The following TLL2 variants were observed in gnomAD, a reference collection of about 807,000 sequenced individuals.
TLL2 encodes tolloid like 2, also known as tolloid-like protein 2.
Under a neutral mutation model 123.0 loss-of-function variants are expected in TLL2, and 106 were observed. The ratio of observed to expected loss-of-function variants is 0.86; its 90% CI spans 0.74 to 1.01. TLL2 has a LOEUF of 1.01. Ranked by LOEUF, TLL2 falls within the 50% of genes least tolerant of loss-of-function variation. The pLI is 0.00. For synonymous variants in TLL2, 494 were observed against 516.8 expected (o/e 0.96, Z 0.60); for missense variants, 1,332 against 1,336.7 (o/e 1.00, Z 0.06).
intron 1 of TLL2, among the ~76,000 whole-genome samples, chr10:96,485,159 A>G (rs956491884): frequency 2.0e-5 from 3 of 152,256 alleles, no homozygotes; most frequent in Non-Finnish European, 4.4e-5. Context: ...ACCTAAATGT[A>G]GGAGCTAAAA....
chr10:96,395,804 A>G, intron 12 of TLL2, 71 bp downstream of exon 12: 2 of 1,575,550 alleles, frequency 1.3e-6, no homozygotes, highest in South Asian at 2.4e-5. Context: ...ATGAAAACCC[A>G]TCTTTACAGA....
intron 2 of TLL2, 62 bp downstream of exon 2, chr10:96,480,287 C>A: frequency 7.2e-7 from 1 of 1,381,942 alleles, no homozygotes; most frequent in South Asian, 1.2e-5. Context: ...GACCACATCT[C>A]CCCCTGCTGA....
At chr10:96,396,616 G>C (rs1463960310) in intron 11 of TLL2, among the ~76,000 whole-genome samples, 2 of 147,342 alleles carry the variant, frequency 1.4e-5, no homozygotes, top group East Asian at 3.9e-4. Flanking sequence ...AGGGTACGGT[G>C]GGGTGGGGAA....
In TLL2 at chr10:96,376,792, A is replaced by T. The variant is rs1050480980; in HGVS notation, c.2348T>A (p.Val783Glu). 3 of 1,582,820 alleles carry T rather than the reference A, an allele frequency of 1.9e-6. No individual in the cohort carries two copies. Among genetic ancestry groups the T allele is most frequent in the Non-Finnish European group, 2.6e-6 (3 of 1,166,702 alleles). ...GTTGGGGCTCGCCAGGGTCCCCTCC[A>T]CACTGCTGATCTTGTGTGCACAGCC... ...EAGCAHKISS[V>E]EGTLASPNWP... The change falls in exon 18 of 21, where the codon GTG becomes GAG. Residue 783 changes from valine to glutamate, a missense_variant. By Grantham distance (121) the Val-to-Glu change is moderately radical. Coordinates refer to ENST00000357947, the MANE Select transcript of TLL2 (RefSeq NM_012465.4).
In TLL2 at chr10:96,462,880, C is replaced by CA. The variant is rs1174065478; in HGVS notation, c.287-16713dup. On this transcript the variant is annotated intron_variant, in intron 2 of 20. Coordinates refer to ENST00000357947, the MANE Select transcript of TLL2 (RefSeq NM_012465.4). ...ATAGCAAAATCACCAACAAAAAGCA[C>CA]AAAAATGCTTAAAATATGGCACTAA... 7.9e-5 allele frequency among the ~76,000 whole-genome samples: 12 copies of CA among 152,246 alleles called. No individual in the cohort carries two copies. In the East Asian group the frequency reaches 2.3e-3, roughly 29 times the overall value.
chr10:96,472,958 T>G (rs1311957545), intron 2 of TLL2, among the ~76,000 whole-genome samples: 1 of 152,044 alleles, frequency 6.6e-6, no homozygotes, highest in Non-Finnish European at 1.5e-5. Context: ...CTGATAGCCT[T>G]TGGTTCCCCT....
intron 4 of TLL2, among the ~76,000 whole-genome samples, chr10:96,429,737 G>A (rs1846718707): frequency 6.6e-6 from 1 of 152,162 alleles, no homozygotes; most frequent in South Asian, 2.1e-4. Context: ...ATGTACATCT[G>A]TGTACTTTTG....
At chr10:96,375,652 A>G (rs1465109274) in intron 18 of TLL2, among the ~76,000 whole-genome samples, 1 of 152,136 alleles carries the variant, frequency 6.6e-6, no homozygotes, top group Non-Finnish European at 1.5e-5. Flanking sequence ...GCCCGCTGGG[A>G]GCACCCTGTG....
chr10:96,410,500 A>G, intron 8 of TLL2, 26 bp from the exon 9 acceptor site: 1 of 1,583,864 alleles, frequency 6.3e-7, no homozygotes, highest in Non-Finnish European at 8.7e-7. Flanking sequence ...CACAACTGTG[A>G]TGTGGCATAT....
At chr10:96,405,170 T>G in intron 10 of TLL2, 62 bp downstream of exon 10, 1 of 1,507,966 alleles carries the variant, frequency 6.6e-7, no homozygotes, top group Non-Finnish European at 9.2e-7. Context: ...CTTCCAGACA[T>G]TAACAGCATC....
intron 7 of TLL2, among the ~76,000 whole-genome samples, chr10:96,420,563 A>C (rs11818195): frequency 0.012 from 1,764 of 152,314 alleles, 35 homozygotes; most frequent in African/African-American, 0.04. Context: ...GCCTTGACAC[A>C]GCCTAGTTTC....
chr10:96,440,748 GA>G (rs1846843609), intron 3 of TLL2, among the ~76,000 whole-genome samples: 1 of 152,220 alleles, frequency 6.6e-6, no homozygotes, highest in African/African-American at 2.4e-5. Context: ...GTAATTTCCA[GA>G]AATGGGTTAT....
chr10:96,453,265 G>A (rs1846979577), intron 2 of TLL2, among the ~76,000 whole-genome samples: 1 of 152,104 alleles, frequency 6.6e-6, no homozygotes, highest in Non-Finnish European at 1.5e-5. Flanking sequence ...AGACCAACCT[G>A]CTCAACATGG....
chr10:96,380,706 AAAAAAAAAAAAAAAAAAG>A (rs2134055168), intron 16 of TLL2, among the ~76,000 whole-genome samples: 1 of 144,496 alleles, frequency 6.9e-6, no homozygotes, highest in Admixed American at 6.9e-5. Context: ...AAAAAAAAAA[AAAAAAAAAAAAAAAAAAG>A]AATGCAGAAG....
intron 1 of TLL2, among the ~76,000 whole-genome samples, chr10:96,481,627 T>C (rs922251926): frequency 6.6e-6 from 1 of 152,172 alleles, no homozygotes; most frequent in Non-Finnish European, 1.5e-5. Context: ...TTAGTCAAAG[T>C]GTTGCCTGCC....
At chr10:96,467,111 T>C (rs1320107215) in intron 2 of TLL2, among the ~76,000 whole-genome samples, 1 of 152,206 alleles carries the variant, frequency 6.6e-6, no homozygotes, top group Non-Finnish European at 1.5e-5. Flanking sequence ...TAGACCCATC[T>C]AAAAAGAGGT....
chr10:96,497,754 G>T (rs1237782959), intron 1 of TLL2, among the ~76,000 whole-genome samples: 2 of 152,166 alleles, frequency 1.3e-5, no homozygotes, highest in East Asian at 1.9e-4. Flanking sequence ...CTTCGTGAAG[G>T]TCTCTTCATC....
chr10:96,499,530 C>G (rs1847511162), intron 1 of TLL2, among the ~76,000 whole-genome samples: 1 of 152,194 alleles, frequency 6.6e-6, no homozygotes, highest in African/African-American at 2.4e-5. Flanking sequence ...CTGATGGACA[C>G]AGCAAATTAA....
intron 1 of TLL2, among the ~76,000 whole-genome samples, chr10:96,492,794 A>G (rs1365940477): frequency 6.6e-6 from 1 of 152,190 alleles, no homozygotes; most frequent in Non-Finnish European, 1.5e-5. Context: ...GGAATGCGGC[A>G]TTTCCCAACA....
Sources: gnomAD v4.1 joint callset for allele counts (sites outside exome capture counted in the v4.1 genomes callset) on GRCh38, gnomAD v4.1.1 for gene constraint, MANE v1.5 for transcripts, NCBI Gene and HGNC (gene_info 2026-07-23, HGNC 2026-07-21) for gene names.